The following TEX2 variants were observed in gnomAD, a reference collection of about 807,000 sequenced individuals.
The protein encoded by TEX2 is testis expressed 2.
In TEX2, 53 loss-of-function variants were observed where a neutral mutation model predicts 106.9. The ratio of observed to expected loss-of-function variants is 0.50; its 90% CI spans 0.40 to 0.62. The LOEUF (loss-of-function observed/expected upper bound fraction) is 0.62. Among genes scored for constraint, TEX2 ranks in the 20% least tolerant of loss-of-function variants. The pLI, the probability that TEX2 is intolerant of heterozygous loss-of-function variation, is 0.00. For missense variants in TEX2, 1,207 were observed against 1,379.0 expected (o/e 0.88, Z 1.98); for synonymous variants, 523 against 534.8 (o/e 0.98, Z 0.30).
At position 64,193,577 on chromosome 17, in the gene TEX2, C is replaced by T; in HGVS notation, c.2158G>A (p.Val720Ile). 1 of 1,437,058 alleles carries T rather than the reference C, an allele frequency of 7.0e-7. No individual in the cohort carries two copies. Among genetic ancestry groups the T allele is most frequent in the Non-Finnish European group, 9.2e-7 (1 of 1,087,182 alleles). 89.0% of individuals were successfully genotyped at this position (1,437,058 alleles called of 1,614,324 possible). The change falls in exon 4 of 12, where the codon GTC becomes ATC. Residue 720 changes from valine to isoleucine, a missense_variant. This residue lies in a region of TEX2 where 1,067 missense variants were observed against 1,193.6 expected (regional missense o/e 0.89). Transcript: ENST00000584379. ...LKSEIKKSSG[V>I]SGGKPGLLPA... ...TCATTACCTGGTTTACCTCCAGAGACACCCGATGACTTCTTGATTTCCGAC... is the reference window on the plus strand; with the variant it reads ...TCATTACCTGGTTTACCTCCAGAGATACCCGATGACTTCTTGATTTCCGAC...
At chr17:64,190,256 A>G (rs2143875528) in intron 4 of TEX2, among the ~76,000 whole-genome samples, 1 of 152,300 alleles carries the variant, frequency 6.6e-6, no homozygotes, top group East Asian at 1.9e-4. Context: ...TAAAAGCTAC[A>G]TCAAAAACAT....
chr17:64,247,282 A>AAAAAG (rs782135355), intron 1 of TEX2, among the ~76,000 whole-genome samples: 124 of 149,882 alleles, frequency 8.3e-4, no homozygotes, highest in Non-Finnish European at 1.6e-3. Flanking sequence ...AAAAAAAAAG[A>AAAAAG]AAAAGAAAAG....
At chr17:64,214,679 G>A (rs1264308317) in intron 1 of TEX2, among the ~76,000 whole-genome samples, 2 of 152,194 alleles carry the variant, frequency 1.3e-5, no homozygotes, top group African/African-American at 4.8e-5. Flanking sequence ...TCTTGTAGCT[G>A]TAACAAGCTA....
intron 1 of TEX2, among the ~76,000 whole-genome samples, chr17:64,232,475 CATA>C (rs2033679908): frequency 6.6e-6 from 1 of 152,144 alleles, no homozygotes; most frequent in African/African-American, 2.4e-5. Context: ...ATAAGGGGTT[CATA>C]ATGACATTAT....
At position 64,194,955 on chromosome 17, in the gene TEX2, A is replaced by G; in HGVS notation, c.1785T>C (p.Asn595=). Residue 595 remains asparagine, a synonymous_variant, in exon 3 of 12, where the codon AAT becomes AAC. Coordinates refer to ENST00000584379, the MANE Select transcript of TEX2 (RefSeq NM_001288732.2). The part of the protein sequence containing the change: ...NKNISRRASY[N]EPKPEVTYIS... ...TGTAGGTGACCTCTGGCTTGGGTTC[A>G]TTGTAGCTGGCCCTCCTGGATATAT... 6.2e-7 allele frequency: 1 copy of G among 1,614,148 alleles called. No homozygotes were observed. The highest frequency in any genetic ancestry group is 8.5e-7 in the Non-Finnish European group (1 of 1,180,022).
At chr17:64,190,103 G>A (rs1335383594) in intron 4 of TEX2, among the ~76,000 whole-genome samples, 7 of 152,136 alleles carry the variant, frequency 4.6e-5, no homozygotes, top group South Asian at 2.1e-4. Context: ...AAAGGGTCAC[G>A]CAAGCCATTT....
intron 1 of TEX2, among the ~76,000 whole-genome samples, chr17:64,225,730 T>C (rs564790940): frequency 2.0e-5 from 3 of 152,194 alleles, no homozygotes; most frequent in South Asian, 2.1e-4. Flanking sequence ...TGTTTTTTGT[T>C]TTTTTGAGAC....
Position 64,193,664 on chromosome 17 carries a change from CAA to C in TEX2, c.2069_2070del (p.Phe690TrpfsTer12). ...TCCTCTTTTTCTCGGCCAGTTCTCCCAAAGAGATAGAGTATCTGATCTCGCTG... is the reference window on the plus strand; with the variant it reads ...TCCTCTTTTTCTCGGCCAGTTCTCCCAGAGATAGAGTATCTGATCTCGCTG... The part of the protein sequence containing the change: ...SSQRDQILYL[F>X]GRTGREKEEW... On this transcript the variant is annotated frameshift_variant, in exon 4 of 12. Transcript: ENST00000584379. LOFTEE classifies it high-confidence loss of function. 1.3e-6 allele frequency: 2 copies of C among 1,577,222 alleles called. No individual in the cohort carries two copies. Among genetic ancestry groups the C allele is most frequent in the Non-Finnish European group, 1.7e-6 (2 of 1,161,066 alleles).
At chr17:64,192,194 T>C (rs377009153) in intron 4 of TEX2, among the ~76,000 whole-genome samples, 21 of 152,280 alleles carry the variant, frequency 1.4e-4, no homozygotes, top group African/African-American at 4.8e-4. Flanking sequence ...TTGAATTGTG[T>C]CCTCCAAAAA....
chr17:64,254,881 A>G (rs960115646), intron 1 of TEX2, among the ~76,000 whole-genome samples: 8 of 152,094 alleles, frequency 5.3e-5, no homozygotes, highest in Non-Finnish European at 1.0e-4. Flanking sequence ...TGATTTTTAG[A>G]TACAGGGTCT....
At chr17:64,180,556 C>T (rs993479490) in intron 5 of TEX2, among the ~76,000 whole-genome samples, 2 of 152,104 alleles carry the variant, frequency 1.3e-5, no homozygotes, top group African/African-American at 4.8e-5. Flanking sequence ...CTAGGAAGGC[C>T]CAACGAATGT....
At position 64,262,833 on chromosome 17, in the gene TEX2, AG is replaced by A. The variant is rs1294244537; in HGVS notation, c.-26+334del. ...CCGGGGCCCCATTCATAAAATTGCA[AG>A]CCGTTTTCCTCTAGTTTGCGCGTGA... On this transcript the variant is annotated intron_variant, in intron 1 of 11. Coordinates refer to ENST00000584379, the MANE Select transcript of TEX2 (RefSeq NM_001288732.2). 2.8e-4 allele frequency among the ~76,000 whole-genome samples: 43 copies of A among 152,072 alleles called. 1 individual carries two copies. The highest frequency in any genetic ancestry group is 1.5e-4 in the Non-Finnish European group (10 of 68,010).
At chr17:64,246,012 C>T (rs535470110) in intron 1 of TEX2, among the ~76,000 whole-genome samples, 5 of 152,306 alleles carry the variant, frequency 3.3e-5, no homozygotes, top group African/African-American at 1.2e-4. Flanking sequence ...CCAGATCATA[C>T]GCCCACCTTC....
intron 1 of TEX2, among the ~76,000 whole-genome samples, chr17:64,255,550 CTT>C (rs2034168580): frequency 6.6e-6 from 1 of 152,206 alleles, no homozygotes; most frequent in Non-Finnish European, 1.5e-5. Flanking sequence ...TTATTCTTCA[CTT>C]TTGTGTATGT....
intron 5 of TEX2, among the ~76,000 whole-genome samples, chr17:64,181,214 A>T (rs1298460771): frequency 1.3e-5 from 2 of 152,150 alleles, no homozygotes; most frequent in African/African-American, 4.8e-5. Flanking sequence ...GTGGTGGTTC[A>T]TGCCTGTAAT....
intron 5 of TEX2, among the ~76,000 whole-genome samples, chr17:64,186,025 T>C (rs370493153): frequency 3.2e-4 from 48 of 152,364 alleles, no homozygotes; most frequent in African/African-American, 1.1e-3. Flanking sequence ...ACAGCAATGC[T>C]GGGCTGTGAC....
chr17:64,223,174 C>A (rs555911006), intron 1 of TEX2, among the ~76,000 whole-genome samples: 1 of 152,010 alleles, frequency 6.6e-6, no homozygotes, highest in Non-Finnish European at 1.5e-5. Context: ...TCAGAGTGAG[C>A]GTATCAAACA....
intron 1 of TEX2, chr17:64,242,263 T>C (rs1317594216): frequency 6.6e-6 from 1 of 152,220 alleles, no homozygotes; most frequent in Non-Finnish European, 1.5e-5. Context: ...AAATCTACCT[T>C]AAAACTCAGA....
intron 7 of TEX2, among the ~76,000 whole-genome samples, chr17:64,166,564 T>C (rs375056257): frequency 3.3e-5 from 5 of 152,372 alleles, no homozygotes; most frequent in African/African-American, 1.2e-4. Flanking sequence ...CTGACTGCCC[T>C]TTCAAGTCTT....
Sources: gnomAD v4.1 joint callset for allele counts (sites outside exome capture counted in the v4.1 genomes callset) on GRCh38, gnomAD v4.1.1 for gene constraint, gnomAD v4.1.1 regional missense constraint, MANE v1.5 for transcripts, NCBI Gene and HGNC (gene_info 2026-07-23, HGNC 2026-07-21) for gene names.